FBXL13: variants seen among roughly 807,000 people sequenced by gnomAD.
FBXL13 encodes the protein F-box and leucine rich repeat protein 13.
In FBXL13, 67 loss-of-function variants were observed where a neutral mutation model predicts 83.6. The observed-to-expected ratio is 0.80, with a 90% CI of 0.66 to 0.98. The LOEUF is 0.98. Among genes scored for constraint, FBXL13 ranks in the 50% least tolerant of loss-of-function variants. FBXL13 has a pLI of 0.00. For missense variants in FBXL13, 822 were observed against 866.5 expected (o/e 0.95, Z 0.64); for synonymous variants, 272 against 299.5 (o/e 0.91, Z 0.95).
chr7:102,943,361 A>AT (rs1821841932), intron 8 of FBXL13, among the ~76,000 whole-genome samples: 1 of 150,660 alleles, frequency 6.6e-6, no homozygotes, highest in East Asian at 1.9e-4. Context: ...CCCAAAATAC[A>AT]TTTTTTAAAG....
At chr7:102,835,220 A>G (rs995665179) in intron 17 of FBXL13, among the ~76,000 whole-genome samples, 2 of 152,118 alleles carry the variant, frequency 1.3e-5, no homozygotes, top group African/African-American at 4.8e-5. Flanking sequence ...CCTGTACTGC[A>G]TGAAAGTCTG....
chr7:102,888,782 G>C (rs920428157), intron 11 of FBXL13, among the ~76,000 whole-genome samples: 3 of 152,026 alleles, frequency 2.0e-5, no homozygotes, highest in African/African-American at 7.2e-5. Flanking sequence ...AAGTAGCCCA[G>C]AGCAAAGTCC....
intron 2 of FBXL13, among the ~76,000 whole-genome samples, chr7:103,042,808 CA>C (rs1795865177): frequency 6.6e-6 from 1 of 152,146 alleles, no homozygotes; most frequent in Non-Finnish European, 1.5e-5. Flanking sequence ...ACACCATATA[CA>C]AAAATTAACT....
intron 6 of FBXL13, among the ~76,000 whole-genome samples, chr7:102,995,782 T>TATAAATAA (rs1563198615): frequency 6.2e-5 from 2 of 32,202 alleles, no homozygotes; most frequent in South Asian, 1.1e-3. Flanking sequence ...CAAGACTCTG[T>TATAAATAA]CTAAATAAAT....
chr7:102,923,837 T>C (rs1406349095), intron 10 of FBXL13, among the ~76,000 whole-genome samples: 1 of 151,642 alleles, frequency 6.6e-6, no homozygotes, highest in African/African-American at 2.4e-5. Context: ...AATAAATAAA[T>C]AAATAAAAAG....
chr7:102,972,893 C>G (rs918415992), intron 6 of FBXL13, among the ~76,000 whole-genome samples: 2 of 151,820 alleles, frequency 1.3e-5, no homozygotes, highest in Non-Finnish European at 2.9e-5. Context: ...ATTAATGTAG[C>G]TATCTATTTT....
upstream of FBXL13, chr7:103,074,606 C>T (rs964192560): frequency 2.2e-5 from 27 of 1,255,550 alleles, no homozygotes; most frequent in Admixed American, 2.3e-5. Context: ...ATCCCGAAAC[C>T]TAGTCCCTCC....
intron 10 of FBXL13, among the ~76,000 whole-genome samples, chr7:102,922,902 C>T (rs1007319780): frequency 2.0e-5 from 3 of 151,946 alleles, no homozygotes; most frequent in Non-Finnish European, 4.4e-5. Context: ...GGCATGAACC[C>T]GGGAGGCGGA....
At chr7:102,867,559 AGGGGT>A (rs1807846899) in intron 16 of FBXL13, among the ~76,000 whole-genome samples, 1 of 150,896 alleles carries the variant, frequency 6.6e-6, no homozygotes, top group South Asian at 2.1e-4. Context: ...GCAGGGCTGC[AGGGGT>A]GGCCAAGGGC....
chr7:103,034,443 A>G lies in FBXL13; in HGVS notation c.1-5025T>C, dbSNP rs533760708. Reference sequence around the variant, plus strand: ...AATTGAGCACAGCAGCTGCTGGCCCAGGTGCTAAGCCCCTCACTGCCCGGG... The same window carrying G: ...AATTGAGCACAGCAGCTGCTGGCCCGGGTGCTAAGCCCCTCACTGCCCGGG... On this transcript the variant is annotated intron_variant, in intron 2 of 19. Transcript: ENST00000313221. Among the ~76,000 whole-genome samples the G allele has an allele frequency of 2.0e-5, 3 of 152,310 alleles. No homozygotes were observed. In the East Asian group the frequency reaches 5.8e-4, roughly 29 times the overall value.
chr7:103,060,186 A>G (rs1283989212), intron 1 of FBXL13, among the ~76,000 whole-genome samples: 1 of 150,638 alleles, frequency 6.6e-6, no homozygotes, highest in Non-Finnish European at 1.5e-5. Context: ...CAGCCTCCCA[A>G]GGAGCTAGGA....
In FBXL13 at chr7:102,934,246, T is replaced by A. The variant is rs1158941010; in HGVS notation, c.725-2313A>T. 2.5e-6 allele frequency: 4 copies of A among 1,614,080 alleles called. No individual in the cohort carries two copies. In the East Asian group the frequency reaches 6.7e-5, roughly 27 times the overall value. On this transcript the variant is annotated intron_variant, in intron 8 of 19. Transcript: ENST00000313221. ...AGTTTAAAAAGCTGAAAAGCCTGGA[T>A]CTGCAGCAGAATGAGATCTCTAAAA...
upstream of FBXL13, chr7:103,074,726 G>T: frequency 7.8e-7 from 1 of 1,289,834 alleles, no homozygotes; most frequent in Non-Finnish European, 1.0e-6. Flanking sequence ...AGTTCTCCTT[G>T]AAGTAGTTCT....
At chr7:102,966,871 T>A (rs1826018168) in intron 7 of FBXL13, among the ~76,000 whole-genome samples, 1 of 152,254 alleles carries the variant, frequency 6.6e-6, no homozygotes. Context: ...AGCAATATTA[T>A]TTATCAATCA....
chr7:102,847,579 T>C (rs1420589065), intron 17 of FBXL13, among the ~76,000 whole-genome samples: 1 of 152,058 alleles, frequency 6.6e-6, no homozygotes, highest in Non-Finnish European at 1.5e-5. Context: ...CAGGCTGGAG[T>C]GCAGTGGTGT....
At chr7:102,830,126 T>C (rs1329041284) in intron 18 of FBXL13, among the ~76,000 whole-genome samples, 4 of 152,218 alleles carry the variant, frequency 2.6e-5, no homozygotes, top group African/African-American at 9.7e-5. Context: ...AACATCCCCC[T>C]TAGCTTCTGG....
rs568529217 is a variant in FBXL13 at position 103,039,877 on chromosome 7, A to G, written c.1-10459T>C. On this transcript the variant is annotated intron_variant, in intron 2 of 19. Transcript: ENST00000313221. The stretch of plus-strand genomic sequence containing the variant: ...GTACCAGCCACTGTAAAAACATTCC[A>G]AATGGTAAAGACCATCGATGCTATG... Among the ~76,000 whole-genome samples the G allele has an allele frequency of 1.7e-3, 257 of 152,300 alleles. 1 individual carries two copies. The highest frequency in any genetic ancestry group is 2.1e-3 in the Non-Finnish European group (140 of 68,030).
chr7:102,985,337 A>G (rs947226383), intron 6 of FBXL13, among the ~76,000 whole-genome samples: 2 of 152,124 alleles, frequency 1.3e-5, no homozygotes, highest in African/African-American at 4.8e-5. Flanking sequence ...CAGAACCCAC[A>G]CCACCCTGGT....
rs886851331 is a variant in FBXL13 at position 102,915,122 on chromosome 7, A to T, written c.879-1907T>A. On this transcript the variant is annotated intron_variant, in intron 10 of 19. Coordinates refer to ENST00000313221, the Ensembl canonical transcript of FBXL13. The stretch of plus-strand genomic sequence containing the variant: ...TCATTTGTTAAGTGGAGATTAAAAT[A>T]TTTTTTTTTTTTTTTTTTTTACACT... 1.0e-3 allele frequency among the ~76,000 whole-genome samples: 130 copies of T among 128,060 alleles called. 2 individuals are homozygous for T. In the East Asian group the frequency reaches 0.016, roughly 16 times the overall value. The allele number at this position is 128,060 out of a possible 152,430, so 84.0% of individuals were successfully genotyped here.
Sources: gnomAD v4.1 joint callset for allele counts (sites outside exome capture counted in the v4.1 genomes callset) on GRCh38, gnomAD v4.1.1 for gene constraint, MANE v1.5 for transcripts, NCBI Gene and HGNC (gene_info 2026-07-23, HGNC 2026-07-21) for gene names.